The following CPNE4 variants were observed in gnomAD, a reference collection of about 807,000 sequenced individuals.
CPNE4 encodes the protein copine 4, also known as copine-4.
A neutral mutation model predicts 67.9 loss-of-function variants in CPNE4; 25 were observed. The observed-to-expected ratio is 0.37, with a 90% confidence interval of 0.27 to 0.51. CPNE4 has a LOEUF of 0.51. Among genes scored for constraint, CPNE4 ranks in the 20% least tolerant of loss-of-function variants. CPNE4 has a pLI of 0.93. For missense variants in CPNE4, 464 were observed against 690.8 expected (o/e 0.67, Z 3.68); for synonymous variants, 242 against 244.9 (o/e 0.99, Z 0.11).
At chr3:131,972,324 C>G (rs780128720) in intron 1 of CPNE4, among the ~76,000 whole-genome samples, 3 of 152,066 alleles carry the variant, frequency 2.0e-5, no homozygotes, top group Non-Finnish European at 4.4e-5. Flanking sequence ...CGATGAATTC[C>G]TCAAGTTCAG....
chr3:131,582,767 T>C (rs573570481), intron 8 of CPNE4, among the ~76,000 whole-genome samples: 40 of 152,282 alleles, frequency 2.6e-4, no homozygotes, highest in African/African-American at 9.4e-4. Flanking sequence ...TTAAAAAGCC[T>C]ACAATGGTCT....
intron 2 of CPNE4, among the ~76,000 whole-genome samples, chr3:131,897,806 T>A (rs897101000): frequency 1.3e-5 from 2 of 151,854 alleles, no homozygotes; most frequent in Non-Finnish European, 1.5e-5. Flanking sequence ...GTAGGAAGAT[T>A]CTTTGATCCC....
chr3:131,588,979 G>T (rs1938361752), intron 7 of CPNE4, among the ~76,000 whole-genome samples: 1 of 152,134 alleles, frequency 6.6e-6, no homozygotes, highest in Non-Finnish European at 1.5e-5. Flanking sequence ...ATATAGGCTA[G>T]CAGGTCTTCC....
At chr3:131,996,873 C>A (rs1043914040) in intron 1 of CPNE4, among the ~76,000 whole-genome samples, 4 of 152,058 alleles carry the variant, frequency 2.6e-5, no homozygotes, top group African/African-American at 9.7e-5. Context: ...AAAGTTTGCA[C>A]CAGCATTTTT....
chr3:132,001,602 A>AGAAAGAAG (rs2073449410), intron 1 of CPNE4, among the ~76,000 whole-genome samples: 1 of 151,324 alleles, frequency 6.6e-6, no homozygotes, highest in Non-Finnish European at 1.5e-5. Flanking sequence ...AAAGAAAGAA[A>AGAAAGAAG]GAAAGAAAGA....
intron 1 of CPNE4, among the ~76,000 whole-genome samples, chr3:131,966,857 CA>C (rs977848370): frequency 1.1e-4 from 17 of 152,036 alleles, no homozygotes; most frequent in African/African-American, 4.1e-4. Context: ...AGAGAAAGGA[CA>C]CCTCCCTAAC....
chr3:131,624,407 G>A (rs1050514280), intron 7 of CPNE4, among the ~76,000 whole-genome samples: 4 of 152,128 alleles, frequency 2.6e-5, no homozygotes, highest in African/African-American at 9.7e-5. Context: ...TTGGGGAGAA[G>A]TAACTTGTCC....
At chr3:131,952,483 C>T (rs1374907186) in intron 1 of CPNE4, among the ~76,000 whole-genome samples, 4 of 96,644 alleles carry the variant, frequency 4.1e-5, no homozygotes, top group East Asian at 6.3e-4. Context: ...GGGGGGTCAG[C>T]GCCCCGCCAG....
chr3:131,954,533 C>T (rs1191150846), intron 1 of CPNE4, among the ~76,000 whole-genome samples: 2 of 152,104 alleles, frequency 1.3e-5, no homozygotes, highest in Non-Finnish European at 2.9e-5. Flanking sequence ...TTCTAGGGTA[C>T]ATGTGCACAA....
chr3:132,000,595 A>G (rs1224176374), intron 1 of CPNE4, among the ~76,000 whole-genome samples: 2 of 151,802 alleles, frequency 1.3e-5, no homozygotes, highest in African/African-American at 4.8e-5. Flanking sequence ...GTTAAGGAAG[A>G]GACAAAATTT....
chr3:131,550,379 T>C (rs1018665233), intron 13 of CPNE4, among the ~76,000 whole-genome samples: 2 of 152,122 alleles, frequency 1.3e-5, no homozygotes, highest in African/African-American at 4.8e-5. Flanking sequence ...ATAGATGTTA[T>C]ACCCATTTTA....
At chr3:131,763,422 CAGTGTAATTTAGCTCA>C (rs1198339417) in intron 2 of CPNE4, among the ~76,000 whole-genome samples, 4 of 152,078 alleles carry the variant, frequency 2.6e-5, no homozygotes, top group Admixed American at 2.0e-4. Context: ...GGAGACGTCG[CAGTGTAATTTAGCTCA>C]AGTTAATGAT....
chr3:131,917,193 T>C (rs924156483), intron 1 of CPNE4, among the ~76,000 whole-genome samples: 25 of 152,350 alleles, frequency 1.6e-4, no homozygotes, highest in Middle Eastern at 3.4e-3. Context: ...AATTTCTTTC[T>C]AACGTGGCAG....
At chr3:131,732,264 A>T (rs1043506900) in intron 2 of CPNE4, among the ~76,000 whole-genome samples, 6 of 152,202 alleles carry the variant, frequency 3.9e-5, no homozygotes, top group African/African-American at 1.4e-4. Context: ...TAATCGTATT[A>T]TGGGCAAAGT....
intron 14 of CPNE4, among the ~76,000 whole-genome samples, chr3:131,543,700 C>T (rs1436817292): frequency 6.6e-6 from 1 of 152,102 alleles, no homozygotes; most frequent in East Asian, 1.9e-4. Context: ...AATACAGTTA[C>T]TGAAGAATTT....
intron 9 of CPNE4, among the ~76,000 whole-genome samples, chr3:131,578,816 G>A (rs1038005887): frequency 2.6e-5 from 4 of 152,146 alleles, no homozygotes; most frequent in Non-Finnish European, 5.9e-5. Flanking sequence ...AGAGAGGTGA[G>A]GAAGATGCAG....
chr3:131,797,235 A>G lies in CPNE4; in HGVS notation c.181-73610T>C, dbSNP rs144726426. Reference sequence around the variant, plus strand: ...CATGATTTGCAATGACCTAGCTTCAATCTTTTCTCAGATTTAATATTTTCT... The same window carrying G: ...CATGATTTGCAATGACCTAGCTTCAGTCTTTTCTCAGATTTAATATTTTCT... On this transcript the variant is annotated intron_variant, in intron 2 of 15. Coordinates refer to ENST00000429747, the MANE Select transcript of CPNE4 (RefSeq NM_130808.3). 5.7e-3 allele frequency among the ~76,000 whole-genome samples: 875 copies of G among 152,326 alleles called. 10 individuals carry two copies. The highest frequency in any genetic ancestry group is 0.019 in the African/African-American group (804 of 41,568).
chr3:131,680,949 A>G (rs1213321456), intron 6 of CPNE4, among the ~76,000 whole-genome samples: 2 of 152,234 alleles, frequency 1.3e-5, no homozygotes, highest in Non-Finnish European at 2.9e-5. Flanking sequence ...TACTTCACTT[A>G]GAATAATAAT....
chr3:131,666,520 A>G (rs2080267141), intron 7 of CPNE4, among the ~76,000 whole-genome samples: 1 of 152,208 alleles, frequency 6.6e-6, no homozygotes, highest in Non-Finnish European at 1.5e-5. Flanking sequence ...GGACGTTACT[A>G]AGTTTATATC....
Sources: gnomAD v4.1 joint callset for allele counts (sites outside exome capture counted in the v4.1 genomes callset) on GRCh38, gnomAD v4.1.1 for gene constraint, MANE v1.5 for transcripts, NCBI Gene and HGNC (gene_info 2026-07-23, HGNC 2026-07-21) for gene names.